Variants in FHAD1 observed in about 807,000 individuals in gnomAD.
FHAD1 encodes forkhead associated phosphopeptide binding domain 1, also known as forkhead-associated domain-containing protein 1.
Under a neutral mutation model 191.3 loss-of-function variants are expected in FHAD1, and 146 were observed. The observed-to-expected ratio is 0.76, with a 90% CI of 0.67 to 0.88. The LOEUF (loss-of-function observed/expected upper bound fraction) is 0.88, where lower values mean the gene tolerates loss of function less well. Ranked by LOEUF, FHAD1 falls within the 40% of genes least tolerant of loss-of-function variation. The pLI is 0.00. For missense variants in FHAD1, 1,635 were observed against 1,785.8 expected (o/e 0.92, Z 1.52); for synonymous variants, 616 against 672.3 (o/e 0.92, Z 1.29).
At chr1:15,377,362 C>G (rs965326407) in intron 28 of FHAD1, among the ~76,000 whole-genome samples, 13 of 152,050 alleles carry the variant, frequency 8.5e-5, no homozygotes, top group African/African-American at 3.1e-4. Context: ...CCAGCCTGAC[C>G]CGCTCCCAAG....
chr1:15,279,678 C>T (rs961270169), intron 3 of FHAD1, among the ~76,000 whole-genome samples: 1 of 151,992 alleles, frequency 6.6e-6, no homozygotes, highest in Non-Finnish European at 1.5e-5. Context: ...AACTCAGCAG[C>T]TCTAGGAAAA....
intron 2 of FHAD1, 142 bp from the exon 3 acceptor site, chr1:15,272,181 G>A (rs1656333226): frequency 2.6e-6 from 2 of 766,354 alleles, no homozygotes; most frequent in Non-Finnish European, 4.2e-6. Flanking sequence ...TAACCTCTCT[G>A]ATCCTCAGCC....
chr1:15,329,764 CAG>C lies in FHAD1; in HGVS notation c.1906+226_1906+227del. 2.0e-6 allele frequency: 1 copy of C among 497,190 alleles called. No individual in the cohort carries two copies. Among genetic ancestry groups the C allele is most frequent in the South Asian group, 3.6e-5 (1 of 27,962 alleles). The allele number at this position is 497,190 out of a possible 1,614,324, so 30.8% of individuals were successfully genotyped here. A position where few individuals can be genotyped will look rare whatever the true frequency, so the allele number is the denominator to read the frequency against. Reference sequence around the variant, plus strand: ...ATAACTGAAGAAAAATGAAACAAAACAGAGGCAAAAGGAAAATTAAATCGAAA... The same window carrying C: ...ATAACTGAAGAAAAATGAAACAAAACAGGCAAAAGGAAAATTAAATCGAAA... On this transcript the variant is annotated intron_variant, in intron 14 of 33. Coordinates refer to ENST00000688493, the MANE Select transcript of FHAD1 (RefSeq NM_001391957.1). The surrounding 1 kb of genome is among the most constrained non-coding windows in gnomAD (Gnocchi z 5.0).
intron 3 of FHAD1, among the ~76,000 whole-genome samples, chr1:15,288,840 G>A (rs753619218): frequency 1.1e-4 from 16 of 152,180 alleles, no homozygotes; most frequent in Non-Finnish European, 1.5e-4. Flanking sequence ...GTTAATGCAG[G>A]TGACTCTTTC....
At chr1:15,361,807 C>A (rs532090513) in intron 22 of FHAD1, among the ~76,000 whole-genome samples, 1 of 151,954 alleles carries the variant, frequency 6.6e-6, no homozygotes, top group East Asian at 2.0e-4. Flanking sequence ...GAGATCGAGA[C>A]CATCCTGGCC....
At chr1:15,371,365 G>C (rs924410650) in intron 26 of FHAD1, among the ~76,000 whole-genome samples, 2 of 152,296 alleles carry the variant, frequency 1.3e-5, no homozygotes, top group African/African-American at 4.8e-5. Flanking sequence ...GGAGGACGGG[G>C]GAGGGAGACT....
intron 31 of FHAD1, among the ~76,000 whole-genome samples, chr1:15,387,661 G>A (rs989640646): frequency 6.6e-6 from 1 of 152,100 alleles, no homozygotes; most frequent in African/African-American, 2.4e-5. Context: ...GATGTAGGAG[G>A]ATGGCTTGAG....
intron 20 of FHAD1, among the ~76,000 whole-genome samples, chr1:15,357,042 A>C (rs1304785632): frequency 1.3e-5 from 2 of 152,018 alleles, no homozygotes; most frequent in African/African-American, 4.8e-5. Flanking sequence ...CGGCTGACCC[A>C]CCCTGTGCAT....
intron 14 of FHAD1, among the ~76,000 whole-genome samples, chr1:15,331,377 C>T (rs1470700408): frequency 6.9e-6 from 1 of 144,642 alleles, no homozygotes; most frequent in Non-Finnish European, 1.5e-5. Context: ...GATGGACGGA[C>T]GGATGGAAGA....
chr1:15,263,186 A>G (rs955533116), intron 2 of FHAD1, among the ~76,000 whole-genome samples: 3 of 152,128 alleles, frequency 2.0e-5, no homozygotes, highest in African/African-American at 7.2e-5. Flanking sequence ...GGGGTTCTTT[A>G]TATATCATGG....
intron 2 of FHAD1, among the ~76,000 whole-genome samples, chr1:15,259,090 GGGT>G (rs1328217511): frequency 1.3e-5 from 2 of 152,250 alleles, no homozygotes; most frequent in African/African-American, 4.8e-5. Flanking sequence ...TATTTTCTGG[GGGT>G]GGTGGTTGTT....
At chr1:15,242,897 A>G (rs370771544), upstream of FHAD1, among the ~76,000 whole-genome samples, 11 of 152,334 alleles carry the variant, frequency 7.2e-5, no homozygotes, top group African/African-American at 2.6e-4. Flanking sequence ...ATACGTCTTA[A>G]CCCATTTAAT....
At chr1:15,251,425 T>G (rs1413937968) in intron 1 of FHAD1, among the ~76,000 whole-genome samples, 2 of 152,202 alleles carry the variant, frequency 1.3e-5, no homozygotes, top group East Asian at 3.8e-4. Context: ...TCACTAAGCT[T>G]ATACTAAGCT....
Position 15,352,952 on chromosome 1 carries a change from G to A in FHAD1, c.2530G>A (p.Asp844Asn). 2.6e-6 allele frequency: 4 copies of A among 1,551,406 alleles called. No individual in the cohort carries two copies. The highest frequency in any genetic ancestry group is 3.5e-6 in the Non-Finnish European group (4 of 1,146,952). The change falls in exon 20 of 34, where the codon GAC becomes AAC. Residue 844 changes from aspartate (D) to asparagine (N), a missense_variant. Asp to Asn is a conservative substitution (Grantham distance 23). Coordinates refer to ENST00000688493, the MANE Select transcript of FHAD1 (RefSeq NM_001391957.1). The stretch of plus-strand genomic sequence containing the variant: ...GGAGAAGGAAAAGAAAAAGGTGCAA[G>A]ACCTGGAGAATCGCTTAACCAAGCA... Reference protein sequence around the residue: ...AMEKEKKKVQDLENRLTKQKE... With the variant: ...AMEKEKKKVQNLENRLTKQKE...
intron 26 of FHAD1, among the ~76,000 whole-genome samples, chr1:15,369,954 C>A (rs1697609327): frequency 6.6e-6 from 1 of 152,112 alleles, no homozygotes; most frequent in South Asian, 2.1e-4. Flanking sequence ...ACACACAAAC[C>A]CATACATATA....
At chr1:15,374,858 TTGTTTG>T (rs796160384) in intron 27 of FHAD1, among the ~76,000 whole-genome samples, 4 of 112,058 alleles carry the variant, frequency 3.6e-5, no homozygotes, top group African/African-American at 1.9e-4. Context: ...GTTTTTTTTT[TTGTTTG>T]TTTTTTTTTT....
chr1:15,380,419 C>T (rs1477353395), intron 28 of FHAD1, among the ~76,000 whole-genome samples: 2 of 152,138 alleles, frequency 1.3e-5, no homozygotes, highest in Non-Finnish European at 2.9e-5. Flanking sequence ...AAAACCACCC[C>T]AATTGAGAAC....
In FHAD1 at chr1:15,365,836, A is replaced by T; in HGVS notation, c.3057A>T (p.Leu1019Phe). The T allele has an allele frequency of 6.5e-7, 1 of 1,550,358 alleles. No homozygotes were observed. Among genetic ancestry groups the T allele is most frequent in the Non-Finnish European group, 8.7e-7 (1 of 1,145,764 alleles). ...TTTTTGTGAATTTCAGAGATGACTT[A>T]TTGGCTGCTCAGAAGGAAATTCTGT... ...DMAYEHLIDDLLAAQKEILSQ... is the reference protein window; with the variant it reads ...DMAYEHLIDDFLAAQKEILSQ... The change falls in exon 24 of 34, where the codon TTA (leucine) becomes TTT (phenylalanine). Residue 1019 changes from leucine (L) to phenylalanine (F), a missense_variant. Leu to Phe is a conservative substitution (Grantham distance 22). Coordinates refer to ENST00000688493, the MANE Select transcript of FHAD1 (RefSeq NM_001391957.1).
chr1:15,277,468 C>T (rs1365135061), intron 3 of FHAD1, among the ~76,000 whole-genome samples: 3 of 152,136 alleles, frequency 2.0e-5, no homozygotes, highest in Admixed American at 2.0e-4. Flanking sequence ...CCTTTGGGAC[C>T]ATCCCATCAC....
Sources: allele counts gnomAD v4.1 joint callset (sites outside exome capture counted in the v4.1 genomes callset), GRCh38; gene constraint gnomAD v4.1.1; non-coding constraint Gnocchi (gnomAD v3.1); transcripts MANE v1.5; gene names NCBI Gene and HGNC (gene_info 2026-07-23, HGNC 2026-07-21).